The following CFAP54 variants were observed in gnomAD, a reference collection of about 807,000 sequenced individuals.
The protein encoded by CFAP54 is cilia- and flagella-associated protein 54.
Under a neutral mutation model 370.4 loss-of-function variants are expected in CFAP54, and 290 were observed. The ratio of observed to expected loss-of-function variants is 0.78; its 90% CI spans 0.71 to 0.86. The LOEUF is 0.86. CFAP54 is among the 40% of genes least tolerant of loss of function. The probability of loss-of-function intolerance (pLI) is 0.00; values close to 1 mark genes in which losing one functional copy is unlikely to be tolerated. For synonymous variants in CFAP54, 1,206 were observed against 1,236.5 expected (o/e 0.98, Z 0.52); for missense variants, 3,399 against 3,528.7 (o/e 0.96, Z 0.93).
intron 28 of CFAP54, among the ~76,000 whole-genome samples, chr12:96,624,428 G>C (rs1450206692): frequency 6.6e-6 from 1 of 152,296 alleles, no homozygotes; most frequent in East Asian, 1.9e-4. Flanking sequence ...TTGAACCAAT[G>C]CCTTTCAGAG....
At chr12:96,556,872 G>C (rs1198308028) in intron 17 of CFAP54, among the ~76,000 whole-genome samples, 3 of 152,086 alleles carry the variant, frequency 2.0e-5, no homozygotes, top group Non-Finnish European at 4.4e-5. Flanking sequence ...TGGACACATA[G>C]AGGGGAACAA....
At chr12:96,775,434 C>CA (rs915547840) in intron 60 of CFAP54, among the ~76,000 whole-genome samples, 25 of 150,542 alleles carry the variant, frequency 1.7e-4, no homozygotes, top group African/African-American at 5.3e-4. Flanking sequence ...ATCCCCGACC[C>CA]AAAAAAAAAC....
At chr12:96,556,957 G>A (rs1955759415) in intron 17 of CFAP54, among the ~76,000 whole-genome samples, 1 of 152,084 alleles carries the variant, frequency 6.6e-6, no homozygotes, top group Admixed American at 6.6e-5. Context: ...ATGGTACTAG[G>A]CTTCATACCT....
At chr12:96,630,507 C>G in intron 31 of CFAP54, 44 bp from the exon 32 acceptor site, 1 of 1,072,276 alleles carries the variant, frequency 9.3e-7, no homozygotes, top group Non-Finnish European at 1.3e-6. Flanking sequence ...CTACTGTGTT[C>G]AAAGTTTAAA....
chr12:96,645,857 C>T (rs893296107), intron 33 of CFAP54: 9 of 152,126 alleles, frequency 5.9e-5, no homozygotes, highest in African/African-American at 1.7e-4. Flanking sequence ...GGAAAGGATT[C>T]CCTATTTAAT....
intron 19 of CFAP54, among the ~76,000 whole-genome samples, chr12:96,570,319 T>C (rs1387592446): frequency 6.6e-6 from 1 of 151,284 alleles, no homozygotes; most frequent in Admixed American, 6.6e-5. Context: ...TCTTTTCTTT[T>C]TTTTTTTTTT....
At chr12:96,496,885 G>A (rs1159833209) in intron 1 of CFAP54, among the ~76,000 whole-genome samples, 1 of 152,146 alleles carries the variant, frequency 6.6e-6, no homozygotes, top group Non-Finnish European at 1.5e-5. Context: ...TTGAAACTCT[G>A]GTTAGAAACC....
At chr12:96,538,840 C>T (rs752114363) in intron 13 of CFAP54, among the ~76,000 whole-genome samples, 2 of 151,850 alleles carry the variant, frequency 1.3e-5, no homozygotes, top group Non-Finnish European at 2.9e-5. Flanking sequence ...CAACCTCTGC[C>T]TCCTGGGCTC....
chr12:96,643,722 T>G (rs1319275088), intron 32 of CFAP54, among the ~76,000 whole-genome samples: 1 of 152,228 alleles, frequency 6.6e-6, no homozygotes, highest in Admixed American at 6.6e-5. Context: ...TATATTCAAC[T>G]GATGTTTTAT....
chr12:96,695,654 T>C (rs1028161982), intron 45 of CFAP54, among the ~76,000 whole-genome samples: 3 of 152,238 alleles, frequency 2.0e-5, no homozygotes, highest in Admixed American at 2.0e-4. Context: ...TTTAATTCCC[T>C]GCAGTATCTT....
intron 5 of CFAP54, among the ~76,000 whole-genome samples, chr12:96,515,271 A>G (rs1050789339): frequency 4.6e-5 from 7 of 152,182 alleles, no homozygotes; most frequent in Non-Finnish European, 1.0e-4. Flanking sequence ...AAGCCTTCCA[A>G]AATGCTGGGA....
chr12:96,643,441 A>G (rs192495175), intron 32 of CFAP54, among the ~76,000 whole-genome samples: 3 of 152,196 alleles, frequency 2.0e-5, no homozygotes, highest in African/African-American at 4.8e-5. Context: ...TGAACAATAT[A>G]TAAGTGACCA....
intron 66 of CFAP54, among the ~76,000 whole-genome samples, chr12:96,838,094 T>A (rs2136770691): frequency 6.6e-6 from 1 of 152,270 alleles, no homozygotes; most frequent in South Asian, 2.1e-4. Flanking sequence ...TAATAGAATA[T>A]CCTTAGAAAG....
chr12:96,688,758 ATCT>A (rs1273045532), intron 42 of CFAP54, among the ~76,000 whole-genome samples, 155 bp from the exon 43 acceptor site: 2 of 152,078 alleles, frequency 1.3e-5, no homozygotes, highest in African/African-American at 4.8e-5. Flanking sequence ...GGGATTTTTT[ATCT>A]TCTTTAATAT....
intron 60 of CFAP54, 87 bp downstream of exon 60, chr12:96,765,305 G>C (rs780393293): frequency 8.0e-7 from 1 of 1,243,342 alleles, no homozygotes; most frequent in South Asian, 2.5e-5. Flanking sequence ...TAATTTGTTG[G>C]CTTTTAGCTT....
intron 47 of CFAP54, among the ~76,000 whole-genome samples, chr12:96,705,690 TTC>T (rs1226562724): frequency 2.6e-5 from 4 of 152,326 alleles, no homozygotes; most frequent in Non-Finnish European, 4.4e-5. Context: ...GAAACTCAGT[TTC>T]TATTAGCTAG....
intron 17 of CFAP54, among the ~76,000 whole-genome samples, chr12:96,555,308 G>A (rs1026950085): frequency 6.6e-6 from 1 of 151,896 alleles, no homozygotes; most frequent in Non-Finnish European, 1.5e-5. Flanking sequence ...AAATAATATT[G>A]TATATAGAGC....
intron 56 of CFAP54, among the ~76,000 whole-genome samples, chr12:96,755,541 C>G (rs1433777983): frequency 1.3e-5 from 2 of 152,194 alleles, no homozygotes; most frequent in African/African-American, 4.8e-5. Flanking sequence ...CTTTATGTGC[C>G]TGGCTTATTT....
chr12:96,843,610 C>T (rs1959252450), intron 66 of CFAP54, among the ~76,000 whole-genome samples: 1 of 152,168 alleles, frequency 6.6e-6, no homozygotes, highest in East Asian at 1.9e-4. Flanking sequence ...GGGCGACTCT[C>T]CTTCAACTTG....
Sources: gnomAD v4.1 joint callset for allele counts (sites outside exome capture counted in the v4.1 genomes callset) on GRCh38, gnomAD v4.1.1 for gene constraint, MANE v1.5 for transcripts, NCBI Gene and HGNC (gene_info 2026-07-23, HGNC 2026-07-21) for gene names.